The following LRMDA variants were observed in gnomAD, a reference collection of about 807,000 sequenced individuals.
The protein encoded by LRMDA is leucine rich melanocyte differentiation associated, also known as leucine-rich melanocyte differentiation-associated protein.
Under a neutral mutation model 29.8 loss-of-function variants are expected in LRMDA, and 18 were observed. That is an observed-to-expected ratio of 0.60 (90% CI 0.42 to 0.90). The LOEUF (loss-of-function observed/expected upper bound fraction) is 0.90, where lower values mean the gene tolerates loss of function less well. Ranked by LOEUF, LRMDA falls within the 40% of genes least tolerant of loss-of-function variation. The pLI is 0.00. For missense variants in LRMDA, 273 were observed against 273.9 expected (o/e 1.00, Z 0.02); for synonymous variants, 125 against 109.4 (o/e 1.14, Z -0.89).
intron 2 of LRMDA, among the ~76,000 whole-genome samples, chr10:76,018,925 C>T (rs546530734): frequency 2.6e-5 from 4 of 152,256 alleles, no homozygotes; most frequent in Middle Eastern, 3.4e-3. Flanking sequence ...CATAATCTTA[C>T]AGATTTTAAA....
chr10:75,839,700 C>CTTTTTTTT (rs1160178913), intron 2 of LRMDA, among the ~76,000 whole-genome samples: 3 of 82,782 alleles, frequency 3.6e-5, no homozygotes, highest in Admixed American at 1.2e-4. Flanking sequence ...ATCCGACTTT[C>CTTTTTTTT]TTTTTTTTTT....
At chr10:76,323,303 C>T (rs1244831554) in intron 5 of LRMDA, among the ~76,000 whole-genome samples, 1 of 152,038 alleles carries the variant, frequency 6.6e-6, no homozygotes, top group Non-Finnish European at 1.5e-5. Context: ...TAATCTCCTA[C>T]TTAGTTTTGA....
chr10:76,406,812 A>C (rs969493450), intron 6 of LRMDA, among the ~76,000 whole-genome samples: 1 of 152,188 alleles, frequency 6.6e-6, no homozygotes, highest in Non-Finnish European at 1.5e-5. Context: ...TTATTGGTCC[A>C]TAGAATGAGC....
intron 2 of LRMDA, among the ~76,000 whole-genome samples, chr10:75,944,992 A>T (rs1053215586): frequency 1.3e-5 from 2 of 151,872 alleles, no homozygotes; most frequent in African/African-American, 4.8e-5. Flanking sequence ...ACTGGCTTTT[A>T]AAAAAAACTC....
intron 5 of LRMDA, among the ~76,000 whole-genome samples, chr10:76,308,378 C>A (rs1840586027): frequency 1.3e-5 from 2 of 152,188 alleles, no homozygotes; most frequent in African/African-American, 2.4e-5. Flanking sequence ...TGGTTTCATC[C>A]TGGCATCTGG....
intron 5 of LRMDA, among the ~76,000 whole-genome samples, chr10:76,096,378 C>G (rs528809053): frequency 6.6e-6 from 1 of 151,994 alleles, no homozygotes; most frequent in East Asian, 1.9e-4. Context: ...GTTGAAAAGG[C>G]CTGCCTTTCT....
At chr10:76,140,069 A>G (rs565586113) in intron 5 of LRMDA, among the ~76,000 whole-genome samples, 1 of 152,242 alleles carries the variant, frequency 6.6e-6, no homozygotes, top group South Asian at 2.1e-4. Context: ...CTCTGTTCCA[A>G]TCTGAGCCAG....
intron 2 of LRMDA, among the ~76,000 whole-genome samples, chr10:75,453,306 G>A (rs1844480169): frequency 6.6e-6 from 1 of 152,190 alleles, no homozygotes; most frequent in Non-Finnish European, 1.5e-5. Context: ...CTAGCTGCTG[G>A]TTTCCTACAC....
chr10:76,327,092 C>CTTTTTTTTT, intron 6 of LRMDA, among the ~76,000 whole-genome samples: 1 of 134,990 alleles, frequency 7.4e-6, no homozygotes, highest in Non-Finnish European at 1.6e-5. Context: ...TCCAAATCAT[C>CTTTTTTTTT]TTTTTTTTTT....
chr10:76,536,831 T>C (rs1400638396), intron 6 of LRMDA, among the ~76,000 whole-genome samples: 1 of 152,158 alleles, frequency 6.6e-6, no homozygotes, highest in Non-Finnish European at 1.5e-5. Flanking sequence ...ACCTAAAGAC[T>C]GTGTGAATAT....
intron 2 of LRMDA, among the ~76,000 whole-genome samples, chr10:75,915,830 G>A (rs980616109): frequency 5.3e-5 from 8 of 152,162 alleles, no homozygotes; most frequent in Non-Finnish European, 8.8e-5. Flanking sequence ...CAGAATATAA[G>A]TAGCTAGAAT....
chr10:76,520,900 CA>C (rs1843111576), intron 6 of LRMDA, among the ~76,000 whole-genome samples: 1 of 152,072 alleles, frequency 6.6e-6, no homozygotes, highest in Non-Finnish European at 1.5e-5. Flanking sequence ...AGAGTTTAAA[CA>C]TTTTAGAACT....
intron 2 of LRMDA, among the ~76,000 whole-genome samples, chr10:75,519,853 G>A (rs756015955): frequency 8.5e-5 from 13 of 152,082 alleles, no homozygotes; most frequent in Non-Finnish European, 1.8e-4. Flanking sequence ...CTTCCTTCAG[G>A]AGCTCTGTAA....
intron 6 of LRMDA, among the ~76,000 whole-genome samples, chr10:76,479,746 A>C (rs372498303): frequency 2.6e-5 from 4 of 152,048 alleles, no homozygotes; most frequent in African/African-American, 7.2e-5. Context: ...ACCTAAAAAG[A>C]GTATGACGGG....
In LRMDA at chr10:75,732,462, C is replaced by T. The variant is rs1027113706; in HGVS notation, c.131+293968C>T. ...AATGCTAAATAAAATATGCTCTGTTCTTTTATCACGACAGATATACTTTTG... is the reference window on the plus strand; with the variant it reads ...AATGCTAAATAAAATATGCTCTGTTTTTTTATCACGACAGATATACTTTTG... On this transcript the variant is annotated intron_variant, in intron 2 of 6. Transcript: ENST00000611255. 2.6e-5 allele frequency among the ~76,000 whole-genome samples: 4 copies of T among 152,218 alleles called. No individual in the cohort carries two copies. In the South Asian group the frequency reaches 6.2e-4, roughly 24 times the overall value.
At position 75,624,636 on chromosome 10, in the gene LRMDA, CG is replaced by C. The variant is rs534871268; in HGVS notation, c.131+186147del. Reference sequence around the variant, plus strand: ...TAGAATAATATAAAGAGGGCAAAAGCGGGGGTTGTGGAATTCACAACTGATA... The same window carrying C: ...TAGAATAATATAAAGAGGGCAAAAGCGGGGTTGTGGAATTCACAACTGATA... On this transcript the variant is annotated intron_variant, in intron 2 of 6. Transcript: ENST00000611255. 2.1e-4 allele frequency among the ~76,000 whole-genome samples: 32 copies of C among 152,090 alleles called. 1 individual carries two copies. In the South Asian group the frequency reaches 6.2e-3, roughly 30 times the overall value.
At position 75,490,122 on chromosome 10, in the gene LRMDA, T is replaced by G. The variant is rs553597465; in HGVS notation, c.131+51628T>G. ...TTTATTATCTTTCCTACTCTCTAAA[T>G]GGAAGACATAGAGGCTCCGAGATGT... is the stretch of plus-strand genomic sequence containing the variant. On this transcript the variant is annotated intron_variant, in intron 2 of 6. Transcript: ENST00000611255. Among the ~76,000 whole-genome samples the G allele has an allele frequency of 1.5e-4, 23 of 152,266 alleles. No individual in the cohort carries two copies. The South Asian group carries it at 4.8e-3, about 32-fold the overall frequency.
rs115443606 is a variant in LRMDA at position 76,404,061 on chromosome 10, A to G, written c.601+79576A>G. The stretch of plus-strand genomic sequence containing the variant: ...CCCTTCACCCAATTGCCCATGAGTC[A>G]CCTTAAAAAAAAATGTCTTGCATAT... On this transcript the variant is annotated intron_variant, in intron 6 of 6. Coordinates refer to ENST00000611255, the MANE Select transcript of LRMDA (RefSeq NM_001305581.2). Among the ~76,000 whole-genome samples the G allele has an allele frequency of 5.0e-3, 761 of 152,108 alleles. 6 individuals carry two copies. The highest frequency in any genetic ancestry group is 0.017 in the African/African-American group (708 of 41,468).
At chr10:75,761,794 G>GTTTTTTTTTTTTTTTTTTTTTTT (rs796289608) in intron 2 of LRMDA, among the ~76,000 whole-genome samples, 1 of 121,712 alleles carries the variant, frequency 8.2e-6, no homozygotes, top group African/African-American at 3.4e-5. Flanking sequence ...GTATACTTTT[G>GTTTTTTTTTTTTTTTTTTTTTTT]TTTTTTTTTT....
Sources: allele counts gnomAD v4.1 joint callset (sites outside exome capture counted in the v4.1 genomes callset), GRCh38; gene constraint gnomAD v4.1.1; transcripts MANE v1.5; gene names NCBI Gene and HGNC (gene_info 2026-07-23, HGNC 2026-07-21).